IQCJ: variants seen among roughly 807,000 people sequenced by gnomAD.
IQCJ encodes the protein IQ motif containing J.
Under a neutral mutation model 11.0 loss-of-function variants are expected in IQCJ, and 9 were observed. The observed-to-expected ratio is 0.82, with a 90% CI of 0.49 to 1.43. The LOEUF (loss-of-function observed/expected upper bound fraction) is 1.43, where lower values mean the gene tolerates loss of function less well. Among genes scored for constraint, IQCJ ranks in the 40% most tolerant of loss-of-function variants. IQCJ has a pLI of 0.00. For missense variants in IQCJ, 146 were observed against 133.2 expected, an observed-to-expected ratio of 1.10 and a Z score of -0.47; for synonymous variants, 55 against 51.3, an observed-to-expected ratio of 1.07 and a Z score of -0.31.
chr3:159,154,121 T>C (rs1219411217), intron 1 of IQCJ, among the ~76,000 whole-genome samples: 1 of 152,222 alleles, frequency 6.6e-6, no homozygotes, highest in Non-Finnish European at 1.5e-5. Flanking sequence ...CCAAAAAATC[T>C]AAACCCCCAA....
At chr3:159,086,464 G>A (rs1475793833) in intron 1 of IQCJ, among the ~76,000 whole-genome samples, 2 of 152,182 alleles carry the variant, frequency 1.3e-5, no homozygotes, top group African/African-American at 2.4e-5. Context: ...AAAGTCATTG[G>A]TAGCTTGATG....
intron 1 of IQCJ, among the ~76,000 whole-genome samples, chr3:159,120,073 A>G (rs1201294140): frequency 6.6e-6 from 1 of 152,214 alleles, no homozygotes; most frequent in Admixed American, 6.5e-5. Flanking sequence ...TATGTGCATT[A>G]CTACATAGTC....
chr3:159,226,401 G>A (rs935760028), intron 1 of IQCJ, among the ~76,000 whole-genome samples: 1 of 152,154 alleles, frequency 6.6e-6, no homozygotes, highest in African/African-American at 2.4e-5. Flanking sequence ...GGAGCCAGGA[G>A]CTAAGACCAA....
chr3:159,142,512 G>A (rs1028803123), intron 1 of IQCJ, among the ~76,000 whole-genome samples: 4 of 151,920 alleles, frequency 2.6e-5, no homozygotes, highest in Non-Finnish European at 5.9e-5. Context: ...CACCTCCCAG[G>A]TTCAAGCGAT....
chr3:159,183,503 A>G (rs1444836297), intron 1 of IQCJ, among the ~76,000 whole-genome samples: 1 of 151,988 alleles, frequency 6.6e-6, no homozygotes, highest in Non-Finnish European at 1.5e-5. Flanking sequence ...TGACTTCCCC[A>G]TTTTGTTTTT....
intron 2 of IQCJ, among the ~76,000 whole-genome samples, chr3:159,247,909 G>T (rs1727364973): frequency 6.6e-6 from 1 of 152,120 alleles, no homozygotes; most frequent in Non-Finnish European, 1.5e-5. Context: ...TCGGTTCAAA[G>T]AACTCAGCAT....
At chr3:159,173,412 AG>A (rs1722605086) in intron 1 of IQCJ, among the ~76,000 whole-genome samples, 1 of 152,206 alleles carries the variant, frequency 6.6e-6, no homozygotes, top group Admixed American at 6.5e-5. Context: ...TATTTTTAGT[AG>A]AAACGTGTTG....
intron 3 of IQCJ, among the ~76,000 whole-genome samples, chr3:159,259,877 A>G (rs917159838): frequency 2.3e-4 from 35 of 152,230 alleles, no homozygotes; most frequent in African/African-American, 8.4e-4. Flanking sequence ...TGAGAAATAT[A>G]TATATCATAG....
chr3:159,189,519 G>GTCT (rs1723561264), intron 1 of IQCJ, among the ~76,000 whole-genome samples: 1 of 152,092 alleles, frequency 6.6e-6, no homozygotes, highest in Non-Finnish European at 1.5e-5. Flanking sequence ...GGCACTAGAG[G>GTCT]GAGATGGTGA....
In IQCJ at chr3:159,069,436, C is replaced by A; in HGVS notation, c.4C>A (p.Arg2Ser). MRLEELKRLQNP... is the reference protein window; with the variant it reads MSLEELKRLQNP... ...CAGGTGTTCCAGAAACTTCAAAATGCGTCTGGTAATGTATTTGCTTTTCTA... is the reference window on the plus strand; with the variant it reads ...CAGGTGTTCCAGAAACTTCAAAATGAGTCTGGTAATGTATTTGCTTTTCTA... Residue 2 changes from arginine to serine, a missense_variant, in exon 1 of 4, where the codon CGT becomes AGT. Arg to Ser is a moderately radical substitution (Grantham distance 110). Transcript: ENST00000397832. 1 of 1,608,660 alleles carries A rather than the reference C, an allele frequency of 6.2e-7. No homozygotes were observed. Among genetic ancestry groups the A allele is most frequent in the South Asian group, 1.1e-5 (1 of 90,154 alleles).
intron 3 of IQCJ, among the ~76,000 whole-genome samples, chr3:159,259,757 C>T (rs1475606102): frequency 1.3e-5 from 2 of 152,108 alleles, no homozygotes; most frequent in Non-Finnish European, 2.9e-5. Flanking sequence ...GGGTAATAGC[C>T]TGGTGTGACA....
chr3:159,156,648 C>T (rs893243531), intron 1 of IQCJ, among the ~76,000 whole-genome samples: 1 of 152,178 alleles, frequency 6.6e-6, no homozygotes, highest in Admixed American at 6.5e-5. Flanking sequence ...TAAGGCATTT[C>T]TGGAGATGAC....
chr3:159,121,879 A>T (rs1261644086), intron 1 of IQCJ, among the ~76,000 whole-genome samples: 1 of 152,228 alleles, frequency 6.6e-6, no homozygotes. Flanking sequence ...TTAGAAAACA[A>T]TGTACTTGAC....
At chr3:159,177,422 A>ACAAT (rs1722855112) in intron 1 of IQCJ, among the ~76,000 whole-genome samples, 1 of 152,252 alleles carries the variant, frequency 6.6e-6, no homozygotes, top group Non-Finnish European at 1.5e-5. Flanking sequence ...GTGGAAAAAG[A>ACAAT]CAATGGCACA....
chr3:159,076,855 G>T (rs1715955073), intron 1 of IQCJ, among the ~76,000 whole-genome samples: 1 of 152,102 alleles, frequency 6.6e-6, no homozygotes, highest in Admixed American at 6.6e-5. Context: ...TGACCTTGGG[G>T]AATTAACTTC....
At chr3:159,137,519 A>G (rs1431515667) in intron 1 of IQCJ, among the ~76,000 whole-genome samples, 2 of 152,186 alleles carry the variant, frequency 1.3e-5, no homozygotes. Context: ...GATTCATCAT[A>G]AGACAATGAT....
intron 1 of IQCJ, among the ~76,000 whole-genome samples, chr3:159,235,406 C>G (rs1726518285): frequency 6.6e-6 from 1 of 152,166 alleles, no homozygotes; most frequent in Non-Finnish European, 1.5e-5. Context: ...ATGTCATGAT[C>G]TAAAACTAGC....
intron 2 of IQCJ, among the ~76,000 whole-genome samples, chr3:159,250,382 C>T (rs1229667428): frequency 6.6e-6 from 1 of 152,030 alleles, no homozygotes; most frequent in Admixed American, 6.6e-5. Context: ...TAATAAGTAA[C>T]AAGAGTCTTA....
intron 2 of IQCJ, among the ~76,000 whole-genome samples, chr3:159,246,322 AAAG>A (rs1275424293): frequency 1.3e-5 from 2 of 152,336 alleles, no homozygotes; most frequent in Admixed American, 6.5e-5. Context: ...ATAAAGCAAA[AAAG>A]AAGAGATGAA....
Sources: allele counts gnomAD v4.1 joint callset (sites outside exome capture counted in the v4.1 genomes callset), GRCh38; gene constraint gnomAD v4.1.1; transcripts MANE v1.5; gene names NCBI Gene and HGNC (gene_info 2026-07-23, HGNC 2026-07-21).